The following FAM186A variants were observed in gnomAD, a reference collection of about 807,000 sequenced individuals.
FAM186A encodes protein FAM186A.
A neutral mutation model predicts 216.8 loss-of-function variants in FAM186A; 163 were observed. That is an observed-to-expected ratio of 0.75 (90% CI 0.66 to 0.86). The LOEUF is 0.86. Ranked by LOEUF, FAM186A falls within the 40% of genes least tolerant of loss-of-function variation. The pLI is 0.00. For synonymous variants in FAM186A, 805 were observed against 1,025.3 expected (o/e 0.79, Z 4.10); for missense variants, 2,184 against 2,746.2 (o/e 0.80, Z 4.58).
chr12:50,360,451 G>A (rs138380872), intron 3 of FAM186A, among the ~76,000 whole-genome samples: 17 of 150,318 alleles, frequency 1.1e-4, no homozygotes, highest in African/African-American at 3.2e-4. Flanking sequence ...TTGGAAGGCC[G>A]AGGCAGGTGG....
At chr12:50,370,712 G>A (rs548331323) in intron 1 of FAM186A, among the ~76,000 whole-genome samples, 5 of 152,076 alleles carry the variant, frequency 3.3e-5, no homozygotes, top group South Asian at 2.1e-4. Flanking sequence ...TGCTCATAGT[G>A]TCGTTATTCA....
chr12:50,355,438 G>C lies in FAM186A; in HGVS notation c.1394C>G (p.Ala465Gly), dbSNP rs4435082. 1,538,590 of 1,551,242 alleles carry C rather than the reference G, an allele frequency of 0.99. 763,727 individuals carry two copies. Among genetic ancestry groups the C allele is most frequent in the East Asian group, 1 (40,904 of 40,906 alleles). Reference sequence around the variant, plus strand: ...TCCAGAGGTCTCATATACATATGTGGCTTTTTTGTGGCTTCTTTTCCATGA... The same window carrying C: ...TCCAGAGGTCTCATATACATATGTGCCTTTTTTGTGGCTTCTTTTCCATGA... ...YQSWKRSHKK[A>G]TYVYETSGPN... The change falls in exon 4 of 8, where the codon GCC becomes GGC. Residue 465 changes from alanine to glycine, a missense_variant. By Grantham distance (60) the Ala-to-Gly change is moderately conservative. Transcript: ENST00000327337.
intron 4 of FAM186A, among the ~76,000 whole-genome samples, chr12:50,342,241 G>C (rs563319043): frequency 7.3e-5 from 11 of 151,614 alleles, no homozygotes; most frequent in Non-Finnish European, 1.3e-4. Context: ...GGGAGGCAGA[G>C]GTTGCAGTGA....
intron 1 of FAM186A, among the ~76,000 whole-genome samples, chr12:50,389,137 G>A (rs961631730): frequency 3.9e-5 from 6 of 152,072 alleles, no homozygotes; most frequent in African/African-American, 1.4e-4. Flanking sequence ...AGGCTGAGAT[G>A]GGAGGAACAC....
intron 1 of FAM186A, among the ~76,000 whole-genome samples, chr12:50,381,704 A>C (rs1258078989): frequency 6.6e-5 from 10 of 152,230 alleles, no homozygotes; most frequent in African/African-American, 9.6e-5. Flanking sequence ...ACATGATTGT[A>C]ATCTTGGAAA....
At chr12:50,380,473 C>G (rs10876029) in intron 1 of FAM186A, among the ~76,000 whole-genome samples, 1 of 146,038 alleles carries the variant, frequency 6.8e-6, no homozygotes, top group Non-Finnish European at 1.5e-5. Context: ...GTCAGGAGTT[C>G]GAGACCGGCC....
intron 4 of FAM186A, among the ~76,000 whole-genome samples, chr12:50,344,486 T>C (rs1942793601): frequency 6.6e-6 from 1 of 152,256 alleles, no homozygotes; most frequent in Non-Finnish European, 1.5e-5. Context: ...ATATGTTGTA[T>C]ATATACCACA....
At chr12:50,386,238 G>A (rs1460391138) in intron 1 of FAM186A, among the ~76,000 whole-genome samples, 3 of 146,562 alleles carry the variant, frequency 2.0e-5, no homozygotes, top group East Asian at 4.2e-4. Flanking sequence ...AGATCAGCCT[G>A]GCCAACATGG....
chr12:50,373,095 A>AAAAG (rs1394501931), intron 1 of FAM186A, among the ~76,000 whole-genome samples: 1 of 131,942 alleles, frequency 7.6e-6, no homozygotes, highest in Admixed American at 8.5e-5. Flanking sequence ...AGAAAGAAAG[A>AAAAG]AAAGAAAGAA....
In FAM186A at chr12:50,355,515, T is replaced by C; in HGVS notation, c.1317A>G (p.Val439=). 6.4e-7 allele frequency: 1 copy of C among 1,551,414 alleles called. No individual in the cohort carries two copies. The highest frequency in any genetic ancestry group is 8.7e-7 in the Non-Finnish European group (1 of 1,146,956). The part of the protein sequence containing the change: ...DISEDSTKDN[V]SLKKGDFYQE... ...GATAGAAATCACCTTTCTTCAATGATACGTTATCTTTAGTGCTGTCTTCGG... is the reference window on the plus strand; with the variant it reads ...GATAGAAATCACCTTTCTTCAATGACACGTTATCTTTAGTGCTGTCTTCGG... The change falls in exon 4 of 8, where the codon GTA becomes GTG. Residue 439 remains valine (V), a synonymous_variant. Transcript: ENST00000327337.
intron 1 of FAM186A, among the ~76,000 whole-genome samples, chr12:50,394,990 A>G (rs1943400049): frequency 2.0e-5 from 3 of 151,776 alleles, no homozygotes; most frequent in African/African-American, 7.3e-5. Context: ...TTGACCTCCT[A>G]AAGTGCTGGG....
Position 50,355,899 on chromosome 12 carries a change from G to C in FAM186A, c.933C>G (p.Asn311Lys). 6.4e-7 allele frequency: 1 copy of C among 1,551,200 alleles called. No homozygotes were observed. The highest frequency in any genetic ancestry group is 8.7e-7 in the Non-Finnish European group (1 of 1,146,924). The stretch of plus-strand genomic sequence containing the variant: ...GTTTCTGCTGAAGCATTTCATTTTC[G>C]TTACTGAGATCTCGTATTATCTTCA... ...LSLKIIRDLSNENEMLQQKLQ... is the reference protein window; with the variant it reads ...LSLKIIRDLSKENEMLQQKLQ... Residue 311 changes from asparagine to lysine, a missense_variant, in exon 4 of 8, where the codon AAC (asparagine) becomes AAG (lysine). Coordinates refer to ENST00000327337, the MANE Select transcript of FAM186A (RefSeq NM_001145475.3).
chr12:50,334,131 G>A lies in FAM186A; in HGVS notation c.6504-28C>T, dbSNP rs369438829. ...TGAAAAGATTAATAAAAATTAGAGCGATAATAGTTGCAGACCCTACTTCAA... is the reference window on the plus strand; with the variant it reads ...TGAAAAGATTAATAAAAATTAGAGCAATAATAGTTGCAGACCCTACTTCAA... On this transcript the variant is annotated intron_variant, in intron 4 of 7. Transcript: ENST00000327337. 7.2e-5 allele frequency: 108 copies of A among 1,490,482 alleles called. No individual in the cohort carries two copies. In the South Asian group the frequency reaches 1.3e-3, roughly 18 times the overall value. The allele number at this position is 1,490,482 out of a possible 1,614,324, so 92.3% of individuals were successfully genotyped here.
rs1346777092 is a variant in FAM186A, at chr12:50,331,773, T to A, written c.6745A>T (p.Ile2249Phe). The A allele has an allele frequency of 1.9e-6, 3 of 1,549,122 alleles. No individual in the cohort carries two copies. Among genetic ancestry groups the A allele is most frequent in the Non-Finnish European group, 2.6e-6 (3 of 1,146,436 alleles). ...GAGGCAGGTATCTGCTTTTCTTCGATGATTAAGGGGATAGGTTGACTAAGA... is the reference window on the plus strand; with the variant it reads ...GAGGCAGGTATCTGCTTTTCTTCGAAGATTAAGGGGATAGGTTGACTAAGA... ...LNLSQPIPLI[I>F]EEKQIPASTT... is the part of the protein sequence containing the mutation. The change falls in exon 6 of 8, where the codon ATC (isoleucine) becomes TTC (phenylalanine). Residue 2249 changes from isoleucine (I) to phenylalanine (F), a missense_variant. Ile to Phe is a conservative substitution (Grantham distance 21). Transcript: ENST00000327337.
At chr12:50,391,361 G>A (rs1943355472) in intron 1 of FAM186A, among the ~76,000 whole-genome samples, 1 of 151,006 alleles carries the variant, frequency 6.6e-6, no homozygotes. Flanking sequence ...TGTCACCCAG[G>A]CTGGAGTGCA....
In FAM186A at chr12:50,360,691, GT is replaced by G. The variant is rs1943024091; in HGVS notation, c.583+64del. The G allele has an allele frequency of 2.5e-6, 3 of 1,214,284 alleles. No individual in the cohort carries two copies. The South Asian group carries it at 5.6e-5, about 23-fold the overall frequency. The allele number at this position is 1,214,284 out of a possible 1,614,324, so 75.2% of individuals were successfully genotyped here. A position where few individuals can be genotyped will look rare whatever the true frequency, so the allele number is the denominator to read the frequency against. Reference sequence around the variant, plus strand: ...TAGAGCGAGACTGAAAAAAAAAAAAGTTGTTTCTCTAAGAAAAAGTCAAACT... The same window carrying G: ...TAGAGCGAGACTGAAAAAAAAAAAAGTGTTTCTCTAAGAAAAAGTCAAACT... On this transcript the variant is annotated intron_variant, in intron 3 of 7. Transcript: ENST00000327337.
intron 1 of FAM186A, among the ~76,000 whole-genome samples, chr12:50,378,180 C>T (rs551246111): frequency 5.1e-4 from 77 of 149,652 alleles, no homozygotes; most frequent in Non-Finnish European, 1.0e-3. Context: ...GCCGAGATTG[C>T]GACATTACAC....
chr12:50,351,736 A>G lies in FAM186A; in HGVS notation c.5096T>C (p.Leu1699Ser). Residue 1699 changes from leucine (L) to serine (S), a missense_variant, in exon 4 of 8, where the codon TTG (leucine) becomes TCG (serine). Leu to Ser is a moderately radical substitution (Grantham distance 145). Around this residue, in one of 7 missense-constraint regions of FAM186A, gnomAD observed 721 missense variants for 816.4 expected, o/e 0.88. Coordinates refer to ENST00000327337, the MANE Select transcript of FAM186A (RefSeq NM_001145475.3). ...TTGCTTAAGGGTGAGGGGCGATCCC[A>G]AGGTATGGGCTTTATCTAAGGTGAG... ...VPLTLDKAHTLGSPLTLKQVQ... is the reference protein window; with the variant it reads ...VPLTLDKAHTSGSPLTLKQVQ... The G allele has an allele frequency of 6.4e-7, 1 of 1,551,478 alleles. No individual in the cohort carries two copies. Among genetic ancestry groups the G allele is most frequent in the Admixed American group, 2.0e-5 (1 of 50,980 alleles).
At chr12:50,395,638 C>T (rs1271139206) in intron 1 of FAM186A, among the ~76,000 whole-genome samples, 1 of 152,072 alleles carries the variant, frequency 6.6e-6, no homozygotes, top group Non-Finnish European at 1.5e-5. Flanking sequence ...TTTCTATTCT[C>T]CTTGAATTTC....
Sources: allele counts gnomAD v4.1 joint callset (sites outside exome capture counted in the v4.1 genomes callset), GRCh38; gene constraint gnomAD v4.1.1; regional missense constraint gnomAD v4.1.1; transcripts MANE v1.5; gene names NCBI Gene and HGNC (gene_info 2026-07-23, HGNC 2026-07-21).